Variants in SLCO6A1 observed in about 807,000 individuals in gnomAD.
The protein encoded by SLCO6A1 is solute carrier organic anion transporter family member 6A1, also known as cancer/testis antigen 48.
SLCO6A1 carries 65 observed loss-of-function variants against 72.7 expected under a neutral mutation model. The observed-to-expected ratio is 0.89, with a 90% CI of 0.73 to 1.10. The LOEUF (loss-of-function observed/expected upper bound fraction) is 1.10. Ranked by LOEUF, SLCO6A1 falls within the 50% of genes least tolerant of loss-of-function variation. The probability of loss-of-function intolerance (pLI) is 0.00; values close to 1 mark genes in which losing one functional copy is unlikely to be tolerated. For missense variants in SLCO6A1, 874 were observed against 872.6 expected, an observed-to-expected ratio of 1.00 and a Z score of -0.02; for synonymous variants, 314 against 298.2, an observed-to-expected ratio of 1.05 and a Z score of -0.55.
Position 102,417,985 on chromosome 5 carries a change from A to C in SLCO6A1, c.1472+1841T>G, listed in dbSNP as rs550209098. Among the ~76,000 whole-genome samples, 4 of 104,684 alleles carry C rather than the reference A, an allele frequency of 3.8e-5. No individual in the cohort carries two copies. In the East Asian group the frequency reaches 9.3e-4, roughly 24 times the overall value. 68.7% of individuals were successfully genotyped at this position (104,684 alleles called of 152,430 possible). A position where few individuals can be genotyped will look rare whatever the true frequency, so the allele number is the denominator to read the frequency against. ...ACTCCAGCTTGGGTGACAAGAGCGA[A>C]ACTCCGTCAAAAAAAAAAAATTACT... On this transcript the variant is annotated intron_variant, in intron 8 of 13. Transcript: ENST00000506729.
At chr5:102,483,064 T>C (rs1752287047) in intron 1 of SLCO6A1, among the ~76,000 whole-genome samples, 1 of 152,184 alleles carries the variant, frequency 6.6e-6, no homozygotes, top group African/African-American at 2.4e-5. Context: ...ATTGTCACTA[T>C]AAATAAGACC....
At chr5:102,484,041 T>C (rs899444941) in intron 1 of SLCO6A1, among the ~76,000 whole-genome samples, 6 of 152,198 alleles carry the variant, frequency 3.9e-5, no homozygotes, top group Admixed American at 1.3e-4. Context: ...AAACTTTTCA[T>C]TTTCCTTCTG....
intron 7 of SLCO6A1, among the ~76,000 whole-genome samples, chr5:102,421,201 A>G (rs1748580112): frequency 6.6e-6 from 1 of 152,036 alleles, no homozygotes; most frequent in Non-Finnish European, 1.5e-5. Flanking sequence ...CCAGTTGGGC[A>G]GACAATGAGC....
chr5:102,372,930 T>C (rs906751268), intron 13 of SLCO6A1, among the ~76,000 whole-genome samples: 1 of 151,816 alleles, frequency 6.6e-6, no homozygotes, highest in Non-Finnish European at 1.5e-5. Context: ...TTATATGAAC[T>C]TAAGTGGCAA....
intron 4 of SLCO6A1, among the ~76,000 whole-genome samples, chr5:102,470,722 T>C (rs1333799699): frequency 2.0e-5 from 3 of 151,970 alleles, no homozygotes; most frequent in African/African-American, 7.2e-5. Flanking sequence ...CTGTAGAGAT[T>C]ATTATTTCTC....
intron 1 of SLCO6A1, among the ~76,000 whole-genome samples, chr5:102,490,372 A>G (rs1372462875): frequency 3.9e-5 from 6 of 152,214 alleles, no homozygotes; most frequent in Non-Finnish European, 7.3e-5. Context: ...TGTATGTACA[A>G]TTATTATATG....
intron 6 of SLCO6A1, among the ~76,000 whole-genome samples, chr5:102,457,473 T>A (rs1750789649): frequency 6.6e-6 from 1 of 151,584 alleles, no homozygotes. Context: ...AAAAAAGATA[T>A]TTATGCTGCC....
rs1747038476 is a variant in SLCO6A1 at position 102,395,767 on chromosome 5, T to G, written c.1814+3788A>C. On this transcript the variant is annotated intron_variant, in intron 10 of 13. Transcript: ENST00000506729. ...GTGAGATGGTATCTCACTGTGGTTT[T>G]GATTTGCATTTCTCTGATGGCCAGT... Among the ~76,000 whole-genome samples, 4 of 152,208 alleles carry G rather than the reference T, an allele frequency of 2.6e-5. No homozygotes were observed. The South Asian group carries it at 8.3e-4, about 31-fold the overall frequency.
At chr5:102,401,202 T>TA (rs1403310783) in intron 9 of SLCO6A1, among the ~76,000 whole-genome samples, 1 of 151,652 alleles carries the variant, frequency 6.6e-6, no homozygotes, top group Non-Finnish European at 1.5e-5. Context: ...AAAGGAACAG[T>TA]AATTGAAAAG....
At chr5:102,464,049 G>A (rs1000056480) in intron 4 of SLCO6A1, among the ~76,000 whole-genome samples, 6 of 152,062 alleles carry the variant, frequency 3.9e-5, no homozygotes, top group Non-Finnish European at 7.4e-5. Context: ...GGGAAGGGTA[G>A]GATGGGGGGT....
At chr5:102,450,532 C>T (rs1281266519) in intron 6 of SLCO6A1, among the ~76,000 whole-genome samples, 2 of 152,232 alleles carry the variant, frequency 1.3e-5, no homozygotes, top group Non-Finnish European at 1.5e-5. Flanking sequence ...TCTCTCAGTG[C>T]TCTGAGAGTG....
chr5:102,408,187 T>G (rs1747776051), intron 9 of SLCO6A1, among the ~76,000 whole-genome samples: 1 of 152,094 alleles, frequency 6.6e-6, no homozygotes, highest in African/African-American at 2.4e-5. Context: ...ACAATAACTA[T>G]TAATAAAATA....
intron 1 of SLCO6A1, among the ~76,000 whole-genome samples, chr5:102,489,196 C>T (rs929924779): frequency 2.0e-5 from 3 of 152,198 alleles, no homozygotes; most frequent in African/African-American, 7.2e-5. Context: ...AAATGCTCAG[C>T]AGGATACACG....
At chr5:102,483,341 C>A (rs1482240051) in intron 1 of SLCO6A1, among the ~76,000 whole-genome samples, 1 of 152,110 alleles carries the variant, frequency 6.6e-6, no homozygotes, top group East Asian at 1.9e-4. Context: ...TTTCCTTTTT[C>A]CTCTACTTTT....
In SLCO6A1 at chr5:102,373,336, C is replaced by G; in HGVS notation, c.*15+1G>C. 6.5e-7 allele frequency: 1 copy of G among 1,530,368 alleles called. No individual in the cohort carries two copies. The highest frequency in any genetic ancestry group is 8.7e-7 in the Non-Finnish European group (1 of 1,144,294). The allele number at this position is 1,530,368 out of a possible 1,614,324, so 94.8% of individuals were successfully genotyped here. On this transcript the variant is annotated splice_donor_variant, in intron 13 of 13. Coordinates refer to ENST00000506729, the MANE Select transcript of SLCO6A1 (RefSeq NM_173488.5). LOFTEE classifies it low-confidence loss of function (3UTR_SPLICE). The stretch of plus-strand genomic sequence containing the variant: ...ATAGATTGACAATGTGTAATTCTTA[C>G]ACAATGATGATCCAGTTACAAGTCA...
intron 12 of SLCO6A1, among the ~76,000 whole-genome samples, chr5:102,374,520 C>T (rs75922807): frequency 0.04 from 6,011 of 152,120 alleles, 156 homozygotes; most frequent in African/African-American, 0.076. Context: ...GAACTCCTGG[C>T]CTCAAGTGAT....
In SLCO6A1 at chr5:102,498,806, A is replaced by C. The variant is rs1324737589; in HGVS notation, c.39T>G (p.Asp13Glu). Reference sequence around the variant, plus strand: ...GCGGCTCTACTCCCCTTGAGACTTCATCCTGGCTCCCAGAGTGCCGGGCGA... The same window carrying C: ...GCGGCTCTACTCCCCTTGAGACTTCCTCCTGGCTCCCAGAGTGCCGGGCGA... Reference protein sequence around the residue: ...VGVARHSGSQDEVSRGVEPLE... With the variant: ...VGVARHSGSQEEVSRGVEPLE... The change falls in exon 1 of 14, where the codon GAT (aspartate) becomes GAG (glutamate). Residue 13 changes from aspartate to glutamate, a missense_variant. Physicochemically the swap from Asp to Glu is conservative, Grantham distance 45. Coordinates refer to ENST00000506729, the MANE Select transcript of SLCO6A1 (RefSeq NM_173488.5). The C allele has an allele frequency of 6.2e-7, 1 of 1,613,222 alleles. No homozygotes were observed. The highest frequency in any genetic ancestry group is 1.3e-5 in the African/African-American group (1 of 74,898).
At chr5:102,429,680 A>C (rs1473231090) in intron 7 of SLCO6A1, among the ~76,000 whole-genome samples, 1 of 152,154 alleles carries the variant, frequency 6.6e-6, no homozygotes, top group Non-Finnish European at 1.5e-5. Flanking sequence ...TTTTTGTACC[A>C]GTATGATGCT....
At chr5:102,461,418 G>T (rs10046076) in intron 4 of SLCO6A1, among the ~76,000 whole-genome samples, 98,316 of 151,864 alleles carry the variant, frequency 0.65, 32,017 homozygotes, top group African/African-American at 0.67. Flanking sequence ...AAACCTGAGA[G>T]TATAAAATTT....
Sources: gnomAD v4.1 joint callset for allele counts (sites outside exome capture counted in the v4.1 genomes callset) on GRCh38, gnomAD v4.1.1 for gene constraint, MANE v1.5 for transcripts, NCBI Gene and HGNC (gene_info 2026-07-23, HGNC 2026-07-21) for gene names.